MYO15A: variants seen among roughly 807,000 people sequenced by gnomAD.
MYO15A encodes myosin XVA.
Under a neutral mutation model 394.6 loss-of-function variants are expected in MYO15A, and 308 were observed. The observed-to-expected ratio is 0.78, with a 90% CI of 0.71 to 0.86. MYO15A has a LOEUF of 0.86. Among genes scored for constraint, MYO15A ranks in the 40% least tolerant of loss-of-function variants. The pLI is 0.00. For missense variants in MYO15A, 4,606 were observed against 4,799.1 expected (o/e 0.96, Z 1.19); for synonymous variants, 1,957 against 2,003.8 (o/e 0.98, Z 0.62).
chr17:18,156,129 C>T (rs1418681175), intron 47 of MYO15A, 66 bp from the exon 48 acceptor site: 2 of 1,611,428 alleles, frequency 1.2e-6, no homozygotes, highest in Admixed American at 1.7e-5. Flanking sequence ...GGATCAGAAG[C>T]AGCACAATAG....
In MYO15A at chr17:18,178,843, G is replaced by GC. The variant is rs1057519607; in HGVS notation, c.10572dup (p.Ser3525GlnfsTer79). On this transcript the variant is annotated frameshift_variant, in exon 66 of 66. Coordinates refer to ENST00000647165, the MANE Select transcript of MYO15A (RefSeq NM_016239.4). LOFTEE classifies it high-confidence loss of function. ...GTGCCCATGAGAAGCGGCTCACATT[G>GC]CCCCCCAGCGAGATCACCCTGCTCT... is the stretch of plus-strand genomic sequence containing the variant. 6.2e-7 allele frequency: 1 copy of GC among 1,613,468 alleles called. No individual in the cohort carries two copies. The highest frequency in any genetic ancestry group is 8.5e-7 in the Non-Finnish European group (1 of 1,179,992).
Position 18,173,600 on chromosome 17 carries a change from G to C in MYO15A, c.10351-181G>C, listed in dbSNP as rs1016116071. The C allele has an allele frequency of 4.1e-6, 3 of 739,818 alleles. No homozygotes were observed. The East Asian group carries it at 8.1e-5, about 20-fold the overall frequency. The allele number at this position is 739,818 out of a possible 1,614,324, so 45.8% of individuals were successfully genotyped here. ...TTGTTGAATCAATTTTATAGGTGAG[G>C]AAACTGAGGTCCAGAGAGGTAAAGT... On this transcript the variant is annotated intron_variant, in intron 64 of 65. Transcript: ENST00000647165.
chr17:18,111,506 T>A (rs544651492), intron 1 of MYO15A, among the ~76,000 whole-genome samples: 148 of 152,224 alleles, frequency 9.7e-4, no homozygotes, highest in African/African-American at 3.4e-3. Flanking sequence ...AAGTAATATT[T>A]AAGGAATGAA....
chr17:18,139,645 C>A (rs1052241537), intron 19 of MYO15A, 34 bp downstream of exon 19: 1 of 1,610,318 alleles, frequency 6.2e-7, no homozygotes, highest in Admixed American at 1.7e-5. Context: ...TGGCCCTGCC[C>A]CCAGGCATGT....
At chr17:18,115,403 G>A (rs1404060348) in intron 1 of MYO15A, among the ~76,000 whole-genome samples, 1 of 152,156 alleles carries the variant, frequency 6.6e-6, no homozygotes, top group African/African-American at 2.4e-5. Context: ...CAGATCACCT[G>A]AGGTCAGGAG....
intron 56 of MYO15A, 61 bp downstream of exon 56, chr17:18,160,078 AG>A: frequency 6.5e-7 from 1 of 1,532,184 alleles, no homozygotes; most frequent in Non-Finnish European, 8.9e-7. Flanking sequence ...AGGAGGGACC[AG>A]TTCAGCCTCC....
Position 18,119,548 on chromosome 17 carries a change from T to C in MYO15A, c.748T>C (p.Ser250Pro). The change falls in exon 2 of 66, where the codon TCA (serine) becomes CCA (proline). Residue 250 changes from serine to proline, a missense_variant. Coordinates refer to ENST00000647165, the MANE Select transcript of MYO15A (RefSeq NM_016239.4). ...RDGDDYYDRQ[S>P]LHRYEEQEPY... ...CGGCGACGACTACTACGACCGGCAG[T>C]CACTCCACCGCTACGAGGAGCAGGA... is the stretch of plus-strand genomic sequence containing the variant. 2 of 1,608,260 alleles carry C rather than the reference T, an allele frequency of 1.2e-6. No individual in the cohort carries two copies. Among genetic ancestry groups the C allele is most frequent in the South Asian group, 2.2e-5 (2 of 91,080 alleles).
At chr17:18,172,457 G>A (rs745748231) in intron 64 of MYO15A, 167 bp downstream of exon 64, 2 of 1,085,632 alleles carry the variant, frequency 1.8e-6, no homozygotes, top group Non-Finnish European at 2.8e-6. Flanking sequence ...TTCCTCATCT[G>A]GAAAATGAGG....
At chr17:18,139,694 C>A in intron 19 of MYO15A, 83 bp downstream of exon 19, 1 of 1,471,516 alleles carries the variant, frequency 6.8e-7, no homozygotes, top group Non-Finnish European at 9.4e-7. Context: ...GGCCTGGGAC[C>A]GTGTTGCCAC....
intron 4 of MYO15A, among the ~76,000 whole-genome samples, chr17:18,125,865 G>A (rs1194800734): frequency 1.3e-5 from 2 of 152,106 alleles, no homozygotes; most frequent in Non-Finnish European, 2.9e-5. Context: ...CCCAGAGTGG[G>A]GATGGCCAGA....
intron 23 of MYO15A, 94 bp downstream of exon 23, chr17:18,141,864 C>T: frequency 7.2e-7 from 1 of 1,382,130 alleles, no homozygotes. Flanking sequence ...AGACTGCCAT[C>T]CCAGGAGCAA....
In MYO15A at chr17:18,164,097, C is replaced by T; in HGVS notation, c.9787+259C>T. ...CTCCCTTTGTCCCTCAGGACATGCT[C>T]AATGTGAGGACACAGGCCGTGCCCT... On this transcript the variant is annotated intron_variant, in intron 60 of 65. Coordinates refer to ENST00000647165, the MANE Select transcript of MYO15A (RefSeq NM_016239.4). 7.5e-6 allele frequency: 4 copies of T among 532,498 alleles called. No homozygotes were observed. The South Asian group carries it at 7.9e-5, about 11-fold the overall frequency. 33.0% of individuals were successfully genotyped at this position (532,498 alleles called of 1,614,324 possible).
Position 18,150,863 on chromosome 17 carries a change from G to A in MYO15A, c.7423G>A (p.Ala2475Thr). Residue 2475 changes from alanine (A) to threonine (T), a missense_variant, in exon 38 of 66, where the codon GCA (alanine) becomes ACA (threonine). Ala to Thr is a moderately conservative substitution (Grantham distance 58, BLOSUM62 0). Transcript: ENST00000647165. The surrounding 1 kb of genome is among the most constrained non-coding windows in gnomAD (Gnocchi z 4.4). ...CCGGGAGATGACCCTGCAGGCCACG[G>A]CACTCCAGCAGCAGCCCCTGAGTGC... is the stretch of plus-strand genomic sequence containing the variant. ...LAREMTLQAT[A>T]LQQQPLSAAL... 1.3e-6 allele frequency: 2 copies of A among 1,596,804 alleles called. No homozygotes were observed. Among genetic ancestry groups the A allele is most frequent in the Non-Finnish European group, 1.7e-6 (2 of 1,172,070 alleles).
rs1479830811 is a variant in MYO15A, at chr17:18,159,974, T to C, written c.9343T>C (p.Cys3115Arg). 1 of 1,613,866 alleles carries C rather than the reference T, an allele frequency of 6.2e-7. No homozygotes were observed. The highest frequency in any genetic ancestry group is 1.3e-5 in the African/African-American group (1 of 74,906). The change falls in exon 56 of 66, where the codon TGC becomes CGC. Residue 3115 changes from cysteine (C) to arginine (R), a missense_variant. This residue lies in a region of MYO15A where 2,776 missense variants were observed against 3,109.3 expected (regional missense o/e 0.89). Coordinates refer to ENST00000647165, the MANE Select transcript of MYO15A (RefSeq NM_016239.4). ...DHEVMRDECY[C>R]QVVKQITDNT... ...TGAGGTCATGCGGGATGAATGTTAC[T>C]GCCAAGTTGTGAAGCAGATCACAGA...
At position 18,140,446 on chromosome 17, in the gene MYO15A, C is replaced by T. The variant is rs2046357099; in HGVS notation, c.5212-71C>T. On this transcript the variant is annotated intron_variant, in intron 19 of 65. Transcript: ENST00000647165. ...CCCCTGGTCCGGAGATTTACTCCTG[C>T]TCTCTCTTCCTCCTCATTTCGGTCT... is the stretch of plus-strand genomic sequence containing the variant. 3.1e-6 allele frequency: 5 copies of T among 1,600,748 alleles called. No individual in the cohort carries two copies. The South Asian group carries it at 4.4e-5, about 14-fold the overall frequency.
At chr17:18,149,189 G>A (rs1341045897) in intron 33 of MYO15A, 27 bp from the exon 34 acceptor site, 1 of 1,613,366 alleles carries the variant, frequency 6.2e-7, no homozygotes, top group Non-Finnish European at 8.5e-7. Flanking sequence ...CTGGGGGTCA[G>A]TAGCTCCATG....
chr17:18,109,461 G>A (rs854766), intron 1 of MYO15A: 65,184 of 158,676 alleles, frequency 0.41, 16,381 homozygotes, highest in Non-Finnish European at 0.58. Context: ...GGATGGTTGC[G>A]CAGTCTACAT....
In MYO15A at chr17:18,149,339, G is replaced by A. The variant is rs775172157; in HGVS notation, c.7080G>A (p.Gly2360=). 1 of 1,610,578 alleles carries A rather than the reference G, an allele frequency of 6.2e-7. No homozygotes were observed. The highest frequency in any genetic ancestry group is 8.5e-7 in the Non-Finnish European group (1 of 1,178,108). ...GCCACAATCAGGACGGTACAAATGGGGAGACTGAGGCCCAAAGAGGGACAG... is the reference window on the plus strand; with the variant it reads ...GCCACAATCAGGACGGTACAAATGGAGAGACTGAGGCCCAAAGAGGGACAG... ...YSSHNQDGTN[G]ETEAQRGTAT... The change falls in exon 34 of 66, where the codon GGG becomes GGA. Residue 2360 remains glycine, a synonymous_variant. Transcript: ENST00000647165.
rs1391091913 is a variant in MYO15A at position 18,131,335 on chromosome 17, C to G, written c.4135C>G (p.Leu1379Val). The change falls in exon 9 of 66, where the codon CTG becomes GTG. Residue 1379 changes from leucine to valine, a missense_variant. Leu to Val is a conservative substitution (Grantham distance 32). Transcript: ENST00000647165. ...CTTTGGGAAGTTTGTGGAAATCTTT[C>G]TGGAAGGGTGAGTTGGGACAGTGGA... The part of the protein sequence containing the change: ...SRFGKFVEIF[L>V]EGGVISGAIT... 6.2e-7 allele frequency: 1 copy of G among 1,614,128 alleles called. No homozygotes were observed. The highest frequency in any genetic ancestry group is 1.1e-5 in the South Asian group (1 of 91,080).
Sources: gnomAD v4.1 joint callset for allele counts (sites outside exome capture counted in the v4.1 genomes callset) on GRCh38, gnomAD v4.1.1 for gene constraint, gnomAD v4.1.1 regional missense constraint, Gnocchi (gnomAD v3.1) non-coding constraint, MANE v1.5 for transcripts, NCBI Gene and HGNC (gene_info 2026-07-23, HGNC 2026-07-21) for gene names.